MICAL3: variants seen among roughly 807,000 people sequenced by gnomAD.
MICAL3 encodes [F-actin]-monooxygenase MICAL3.
A neutral mutation model predicts 207.4 loss-of-function variants in MICAL3; 62 were observed. The ratio of observed to expected loss-of-function variants is 0.30; its 90% CI spans 0.24 to 0.37. MICAL3 has a LOEUF of 0.37. Among genes scored for constraint, MICAL3 ranks in the 10% least tolerant of loss-of-function variants. The pLI, the probability that MICAL3 is intolerant of heterozygous loss-of-function variation, is 1.00. For synonymous variants in MICAL3, 1,077 were observed against 1,069.3 expected (o/e 1.01, Z -0.14); for missense variants, 2,368 against 2,635.6 (o/e 0.90, Z 2.22).
Position 17,823,056 on chromosome 22 carries a change from T to C in MICAL3, c.3198A>G (p.Pro1066=), listed in dbSNP as rs1921815234. 3 of 1,602,124 alleles carry C rather than the reference T, an allele frequency of 1.9e-6. No homozygotes were observed. The highest frequency in any genetic ancestry group is 3.3e-4 in the Middle Eastern group (2 of 6,046). Residue 1066 remains proline, a synonymous_variant, in exon 23 of 32, where the codon CCA becomes CCG. Transcript: ENST00000441493. ...CTTCCTCTAGGTCATTCTCATCCAA[T>C]GGGGCTGCAAAGCAGAAAGGTTCAA... The part of the protein sequence containing the change: ...PASESSASGA[P]LDENDLEEDV...
In MICAL3 at chr22:17,876,797, A is replaced by AGTTATGGAGGTTAGGGAG. The variant is rs1569109068; in HGVS notation, c.2242-4792_2242-4775dup. On this transcript the variant is annotated intron_variant, in intron 16 of 31. Transcript: ENST00000441493. ...TTATGGAGGTTAGGGAGGTTAGGGAAGTTATGGAGGTTAGGGAGGTTAGGG... is the reference window on the plus strand; with the variant it reads ...TTATGGAGGTTAGGGAGGTTAGGGAAGTTATGGAGGTTAGGGAGGTTATGGAGGTTAGGGAGGTTAGGG... 55 of 39,810 alleles carry AGTTATGGAGGTTAGGGAG rather than the reference A, an allele frequency of 1.4e-3. 2 individuals carry two copies. The highest frequency in any genetic ancestry group is 2.2e-3 in the Non-Finnish European group (44 of 19,690). 2.5% of individuals were successfully genotyped at this position (39,810 alleles called of 1,614,324 possible).
At chr22:17,974,728 A>C (rs1269168757) in intron 1 of MICAL3, among the ~76,000 whole-genome samples, 125 of 151,278 alleles carry the variant, frequency 8.3e-4, no homozygotes, top group African/African-American at 2.8e-3. Flanking sequence ...CGTCTTAAAA[A>C]AAAAAAAAAA....
At chr22:17,995,501 T>A (rs1200474786) in intron 1 of MICAL3, among the ~76,000 whole-genome samples, 1 of 137,578 alleles carries the variant, frequency 7.3e-6, no homozygotes, top group Non-Finnish European at 1.6e-5. Context: ...ATTTTTTTTT[T>A]TTTTTTTTTT....
At chr22:17,810,962 G>C (rs953131311) in intron 27 of MICAL3, 149 bp from the exon 28 acceptor site, 5 of 627,822 alleles carry the variant, frequency 8.0e-6, no homozygotes, top group African/African-American at 1.8e-5. Context: ...CTGTAGAGTA[G>C]AGTGCTAGCA....
At chr22:17,803,906 T>C (rs369081) in intron 29 of MICAL3, 366,807 of 910,680 alleles carry the variant, frequency 0.4, 80,011 homozygotes, top group African/African-American at 0.86. Flanking sequence ...CATCAGGTAG[T>C]CCTCCTGTCC....
At chr22:17,825,991 C>T (rs557517772) in intron 22 of MICAL3, among the ~76,000 whole-genome samples, 1 of 152,320 alleles carries the variant, frequency 6.6e-6, no homozygotes, top group African/African-American at 2.4e-5. Context: ...CTGAATAGCA[C>T]CCGCCCATCC....
chr22:17,956,415 T>C (rs1934615231), intron 1 of MICAL3, among the ~76,000 whole-genome samples: 1 of 152,158 alleles, frequency 6.6e-6, no homozygotes, highest in African/African-American at 2.4e-5. Context: ...GGCTCACGGC[T>C]ATAATCCCCG....
rs757404021 is a variant in MICAL3 at position 17,822,115 on chromosome 22, G to A, written c.3363C>T (p.Cys1121=). Residue 1121 remains cysteine (C), a synonymous_variant, in exon 24 of 32, where the codon TGC becomes TGT. Transcript: ENST00000441493. The part of the protein sequence containing the change: ...SDADRELRLP[C]PAEGEAELEL... ...CCAGCTCTGCTTCCCCCTCAGCTGG[G>A]CACGGCAAACGCAGCTCTCTGTCAG... The A allele has an allele frequency of 6.8e-6, 11 of 1,613,834 alleles. No homozygotes were observed. Among genetic ancestry groups the A allele is most frequent in the South Asian group, 4.4e-5 (4 of 91,090 alleles).
At chr22:17,936,947 G>C (rs1286466495) in intron 1 of MICAL3, among the ~76,000 whole-genome samples, 1 of 152,154 alleles carries the variant, frequency 6.6e-6, no homozygotes, top group Non-Finnish European at 1.5e-5. Flanking sequence ...TCCTCTGCAA[G>C]AGCACAGTGA....
At chr22:17,922,903 C>A (rs1932833100) in intron 1 of MICAL3, among the ~76,000 whole-genome samples, 1 of 152,138 alleles carries the variant, frequency 6.6e-6, no homozygotes, top group Non-Finnish European at 1.5e-5. Flanking sequence ...TAAATCTAGA[C>A]AACTGACCCT....
At chr22:17,808,250 C>G (rs558086688) in intron 29 of MICAL3, among the ~76,000 whole-genome samples, 1 of 152,264 alleles carries the variant, frequency 6.6e-6, no homozygotes, top group African/African-American at 2.4e-5. Flanking sequence ...AGCCACTCCC[C>G]GGAGTCTGCT....
At chr22:17,791,403 T>C (rs894987002) in intron 29 of MICAL3, 102 bp from the exon 30 acceptor site, 1 of 1,024,548 alleles carries the variant, frequency 9.8e-7, no homozygotes, top group Non-Finnish European at 1.5e-6. Flanking sequence ...AGCAAGATGC[T>C]GCCGGAACTT....
chr22:18,021,908 C>T (rs1424252939), intron 1 of MICAL3, among the ~76,000 whole-genome samples: 2 of 152,134 alleles, frequency 1.3e-5, no homozygotes, highest in Non-Finnish European at 2.9e-5. Flanking sequence ...GATATGGTAC[C>T]ATCATTTATA....
intron 1 of MICAL3, among the ~76,000 whole-genome samples, chr22:17,992,919 G>A (rs947562997): frequency 6.6e-6 from 1 of 152,174 alleles, no homozygotes; most frequent in African/African-American, 2.4e-5. Flanking sequence ...GACTAGAAAT[G>A]ATGTGTGCGC....
At chr22:17,799,980 A>G (rs1015942159) in intron 29 of MICAL3, among the ~76,000 whole-genome samples, 3 of 142,724 alleles carry the variant, frequency 2.1e-5, no homozygotes, top group African/African-American at 8.0e-5. Context: ...ACACACACAC[A>G]CACGCGTTGG....
chr22:17,827,500 G>T (rs1444420898), intron 22 of MICAL3, 144 bp downstream of exon 22: 2 of 786,618 alleles, frequency 2.5e-6, no homozygotes, highest in East Asian at 2.8e-5. Context: ...TGTCACAACT[G>T]ACAGCAGCAA....
chr22:17,801,978 T>C (rs2061945079), intron 29 of MICAL3, among the ~76,000 whole-genome samples: 1 of 151,892 alleles, frequency 6.6e-6, no homozygotes, highest in African/African-American at 2.4e-5. Context: ...GTTACCGGCA[T>C]CTTGAACTGG....
At chr22:17,975,220 T>C (rs5992137) in intron 1 of MICAL3, among the ~76,000 whole-genome samples, 45,254 of 152,064 alleles carry the variant, frequency 0.3, 7,690 homozygotes, top group African/African-American at 0.46. Context: ...GCAGTCAAGC[T>C]GCAGTCACCA....
At chr22:17,845,211 G>A (rs1924501642) in intron 19 of MICAL3, among the ~76,000 whole-genome samples, 1 of 152,168 alleles carries the variant, frequency 6.6e-6, no homozygotes, top group Non-Finnish European at 1.5e-5. Context: ...AACAGGATAA[G>A]AACTATCACT....
Sources: allele counts gnomAD v4.1 joint callset (sites outside exome capture counted in the v4.1 genomes callset), GRCh38; gene constraint gnomAD v4.1.1; transcripts MANE v1.5; gene names NCBI Gene and HGNC (gene_info 2026-07-23, HGNC 2026-07-21).